Variants in NRG3 observed in about 807,000 individuals in gnomAD.
NRG3 encodes neuregulin 3, also known as pro-neuregulin-3, membrane-bound isoform.
Under a neutral mutation model 66.9 loss-of-function variants are expected in NRG3, and 31 were observed. That is an observed-to-expected ratio of 0.46 (90% CI 0.35 to 0.63). NRG3 has a LOEUF of 0.63. NRG3 is among the 20% of genes least tolerant of loss of function. The pLI, the probability that NRG3 is intolerant of heterozygous loss-of-function variation, is 0.00. For synonymous variants in NRG3, 393 were observed against 359.4 expected (o/e 1.09, Z -1.06); for missense variants, 910 against 878.9 (o/e 1.04, Z -0.45).
At chr10:82,304,420 T>C (rs1272973394) in intron 1 of NRG3, among the ~76,000 whole-genome samples, 1 of 152,220 alleles carries the variant, frequency 6.6e-6, no homozygotes, top group Non-Finnish European at 1.5e-5. Flanking sequence ...ATAAAAATTA[T>C]TTTTCCAGTT....
At chr10:82,081,689 C>T (rs1430448586) in intron 1 of NRG3, among the ~76,000 whole-genome samples, 1 of 152,158 alleles carries the variant, frequency 6.6e-6, no homozygotes. Context: ...CTGCTTTATA[C>T]AATCTACCAG....
chr10:82,361,104 T>G (rs1269074041), intron 2 of NRG3, among the ~76,000 whole-genome samples: 1 of 152,238 alleles, frequency 6.6e-6, no homozygotes, highest in Non-Finnish European at 1.5e-5. Context: ...TCCATAACAA[T>G]GAGTCTCATG....
At position 81,893,670 on chromosome 10, in the gene NRG3, G is replaced by A. The variant is rs149226411; in HGVS notation, c.823+17507G>A. ...ATAGTTTTAAAAGAGTATCTTCTTG[G>A]TTTTTATCTTGCATTTCTCTAATTA... On this transcript the variant is annotated intron_variant, in intron 1 of 8. Coordinates refer to ENST00000372141, the MANE Select transcript of NRG3 (RefSeq NM_001010848.4). Among the ~76,000 whole-genome samples the A allele has an allele frequency of 5.5e-3, 834 of 152,202 alleles. 5 individuals carry two copies. The highest frequency in any genetic ancestry group is 0.016 in the African/African-American group (683 of 41,530).
At chr10:82,781,943 C>T (rs924233844) in intron 3 of NRG3, among the ~76,000 whole-genome samples, 4 of 152,148 alleles carry the variant, frequency 2.6e-5, no homozygotes, top group African/African-American at 9.7e-5. Flanking sequence ...GCCTTCATCT[C>T]TACTTGTTTG....
In NRG3 at chr10:81,970,663, G is replaced by GGGTGTGT. The variant is rs1252807584; in HGVS notation, c.823+94516_823+94522dup. On this transcript the variant is annotated intron_variant, in intron 1 of 8. Transcript: ENST00000372141. ...CAGAAATATTTGTGTGTGTGTGTGT[G>GGGTGTGT]GGTGTGTGGTGTGTGGTGTGTGTGA... Among the ~76,000 whole-genome samples, 12 of 152,162 alleles carry GGGTGTGT rather than the reference G, an allele frequency of 7.9e-5. No individual in the cohort carries two copies. The East Asian group carries it at 1.9e-3, about 24-fold the overall frequency.
chr10:82,924,935 G>T (rs1454459335), intron 4 of NRG3, among the ~76,000 whole-genome samples: 1 of 152,166 alleles, frequency 6.6e-6, no homozygotes, highest in East Asian at 1.9e-4. Context: ...ATACTTTCCA[G>T]ATCACCAGAG....
rs1486122807 is a variant in NRG3, at chr10:82,195,107, G to A, written c.824-163632G>A. Among the ~76,000 whole-genome samples the A allele has an allele frequency of 2.0e-5, 3 of 152,226 alleles. No individual in the cohort carries two copies. In the East Asian group the frequency reaches 5.8e-4, roughly 29 times the overall value. ...ATAGTGGCCTCTATTTTTTGGATGT[G>A]TTGGCATGAGTGTTGGCTTTATCCA... On this transcript the variant is annotated intron_variant, in intron 1 of 8. Transcript: ENST00000372141.
intron 1 of NRG3, among the ~76,000 whole-genome samples, chr10:82,276,768 GA>G (rs1478002611): frequency 1.3e-5 from 2 of 151,932 alleles, no homozygotes; most frequent in African/African-American, 2.4e-5. Context: ...GACAAAAAAT[GA>G]CATACTGATC....
At chr10:82,582,683 TGTGTG>T (rs1439312827) in intron 2 of NRG3, among the ~76,000 whole-genome samples, 12 of 151,992 alleles carry the variant, frequency 7.9e-5, no homozygotes, top group African/African-American at 2.9e-4. Context: ...TGTGTGTGTG[TGTGTG>T]TGTGTGTGTG....
At chr10:82,475,892 G>C (rs1218760293) in intron 2 of NRG3, among the ~76,000 whole-genome samples, 1 of 152,110 alleles carries the variant, frequency 6.6e-6, no homozygotes. Flanking sequence ...TATCAATAGA[G>C]TGAAAAGGCA....
intron 4 of NRG3, among the ~76,000 whole-genome samples, chr10:82,906,101 A>G (rs956828032): frequency 9.2e-5 from 14 of 152,162 alleles, no homozygotes; most frequent in Non-Finnish European, 1.6e-4. Flanking sequence ...AACTCAGCAT[A>G]CTGCTCTAGA....
rs574728104 is a variant in NRG3, at chr10:82,389,967, C to T, written c.953+31099C>T. 7.9e-5 allele frequency among the ~76,000 whole-genome samples: 12 copies of T among 152,202 alleles called. No homozygotes were observed. In the South Asian group the frequency reaches 8.3e-4, roughly 11 times the overall value. ...CATTTATTGTACTGTGGCCTATTTC[C>T]GACAAGTCAGATAAACCATGGTTTG... On this transcript the variant is annotated intron_variant, in intron 2 of 8. Coordinates refer to ENST00000372141, the MANE Select transcript of NRG3 (RefSeq NM_001010848.4).
At chr10:82,121,554 G>A (rs1362260098) in intron 1 of NRG3, among the ~76,000 whole-genome samples, 2 of 152,166 alleles carry the variant, frequency 1.3e-5, no homozygotes, top group African/African-American at 4.8e-5. Context: ...GGTGCTACTA[G>A]AGAACTGAAC....
At chr10:81,969,043 G>T (rs537751151) in intron 1 of NRG3, among the ~76,000 whole-genome samples, 1 of 152,150 alleles carries the variant, frequency 6.6e-6, no homozygotes, top group Admixed American at 6.5e-5. Context: ...GTCATGTAAG[G>T]TATCTGACTG....
chr10:82,141,141 A>T (rs74144164), intron 1 of NRG3, among the ~76,000 whole-genome samples: 2,925 of 152,216 alleles, frequency 0.019, 92 homozygotes, highest in African/African-American at 0.066. Flanking sequence ...ATGAAAAAGG[A>T]TTGAGCTTCA....
chr10:82,759,271 A>G (rs1383916741), intron 3 of NRG3, among the ~76,000 whole-genome samples: 1 of 152,100 alleles, frequency 6.6e-6, no homozygotes, highest in Non-Finnish European at 1.5e-5. Flanking sequence ...TTGAAGCAGC[A>G]TGAGGCCCTC....
chr10:82,926,020 C>A (rs538364159), intron 4 of NRG3, among the ~76,000 whole-genome samples: 19 of 152,312 alleles, frequency 1.2e-4, no homozygotes, highest in Non-Finnish European at 2.8e-4. Flanking sequence ...TTATCCACCT[C>A]ATTTCAAGCA....
intron 3 of NRG3, among the ~76,000 whole-genome samples, chr10:82,845,575 A>G (rs1317387432): frequency 1.3e-5 from 2 of 151,970 alleles, no homozygotes; most frequent in Non-Finnish European, 2.9e-5. Context: ...TTTATAGGAG[A>G]AAGACAGAAG....
At position 82,466,452 on chromosome 10, in the gene NRG3, C is replaced by T. The variant is rs1489758049; in HGVS notation, c.953+107584C>T. Among the ~76,000 whole-genome samples the T allele has an allele frequency of 3.3e-5, 5 of 152,120 alleles. No homozygotes were observed. The East Asian group carries it at 9.7e-4, about 29-fold the overall frequency. ...TCCATCTTCTAGTGGAAGCTGACTC[C>T]TCTGATTGCCACTAGGGAGATAGGG... is the stretch of plus-strand genomic sequence containing the variant. On this transcript the variant is annotated intron_variant, in intron 2 of 8. Transcript: ENST00000372141.
Sources: gnomAD v4.1 joint callset for allele counts (sites outside exome capture counted in the v4.1 genomes callset) on GRCh38, gnomAD v4.1.1 for gene constraint, MANE v1.5 for transcripts, NCBI Gene and HGNC (gene_info 2026-07-23, HGNC 2026-07-21) for gene names.